The following COG5 variants were observed in gnomAD, a reference collection of about 807,000 sequenced individuals.
COG5 encodes the protein component of oligomeric golgi complex 5.
Under a neutral mutation model 110.4 loss-of-function variants are expected in COG5, and 86 were observed. The ratio of observed to expected loss-of-function variants is 0.78; its 90% confidence interval spans 0.65 to 0.93. COG5 has a LOEUF of 0.93. Ranked by LOEUF, COG5 falls within the 40% of genes least tolerant of loss-of-function variation. The pLI is 0.00. For missense variants in COG5, 1,077 were observed against 987.0 expected, an observed-to-expected ratio of 1.09 and a Z score of -1.22; for synonymous variants, 360 against 334.6, an observed-to-expected ratio of 1.08 and a Z score of -0.83.
At chr7:107,515,401 T>C (rs951349159) in intron 6 of COG5, among the ~76,000 whole-genome samples, 15 of 152,194 alleles carry the variant, frequency 9.9e-5, no homozygotes, top group African/African-American at 3.6e-4. Flanking sequence ...CACGGTAACC[T>C]ATACATTTCA....
chr7:107,545,339 GTCAAAAA>G (rs970446671), intron 5 of COG5, among the ~76,000 whole-genome samples: 2 of 152,080 alleles, frequency 1.3e-5, no homozygotes, highest in African/African-American at 4.8e-5. Context: ...CAATCAAATT[GTCAAAAA>G]TCAAAAACAG....
chr7:107,474,907 G>T lies in COG5; in HGVS notation c.538+52330C>A. 4.3e-6 allele frequency: 7 copies of T among 1,613,160 alleles called. No homozygotes were observed. Among genetic ancestry groups the T allele is most frequent in the Non-Finnish European group, 5.9e-6 (7 of 1,179,490 alleles). ...CAGTGGTGGGAGAAATGTAGTCTTTGGTGTAAGAACTTCAGTTTCTGTAAT... is the reference window on the plus strand; with the variant it reads ...CAGTGGTGGGAGAAATGTAGTCTTTTGTGTAAGAACTTCAGTTTCTGTAAT... On this transcript the variant is annotated intron_variant, in intron 6 of 21. Transcript: ENST00000297135. The surrounding 1 kb of genome is among the most constrained non-coding windows in gnomAD (Gnocchi z 5.7).
intron 5 of COG5, among the ~76,000 whole-genome samples, chr7:107,531,237 A>G (rs1382781413): frequency 6.6e-6 from 1 of 152,060 alleles, no homozygotes; most frequent in Non-Finnish European, 1.5e-5. Flanking sequence ...AAGTTCCTCT[A>G]TCTTCTATAT....
At chr7:107,386,006 G>A (rs1193688957) in intron 7 of COG5, among the ~76,000 whole-genome samples, 2 of 151,520 alleles carry the variant, frequency 1.3e-5, no homozygotes, top group African/African-American at 4.9e-5. Flanking sequence ...GTGTGTGTGT[G>A]TGTGTGTGTG....
intron 12 of COG5, among the ~76,000 whole-genome samples, chr7:107,291,401 T>C (rs538601832): frequency 1.3e-5 from 2 of 152,328 alleles, no homozygotes; most frequent in African/African-American, 4.8e-5. Flanking sequence ...AGATACATTG[T>C]TGCAACTCTG....
At chr7:107,383,700 CCT>C (rs991017913) in intron 7 of COG5, among the ~76,000 whole-genome samples, 3 of 152,118 alleles carry the variant, frequency 2.0e-5, no homozygotes, top group African/African-American at 7.2e-5. Flanking sequence ...GCTGCCTGTT[CCT>C]CTCTTTCTAA....
intron 6 of COG5, among the ~76,000 whole-genome samples, chr7:107,448,493 T>G (rs1164408761): frequency 6.6e-6 from 1 of 152,200 alleles, no homozygotes; most frequent in Non-Finnish European, 1.5e-5. Flanking sequence ...TAATGCCTGT[T>G]AGTCTTTTGG....
chr7:107,283,838 G>GT (rs1363714150), intron 12 of COG5, 106 bp from the exon 13 acceptor site: 1 of 764,988 alleles, frequency 1.3e-6, no homozygotes, highest in African/African-American at 1.8e-5. Flanking sequence ...CCATAAAAAT[G>GT]TAACTCTATA....
chr7:107,226,795 A>G (rs926836980), intron 19 of COG5, among the ~76,000 whole-genome samples: 10 of 152,220 alleles, frequency 6.6e-5, no homozygotes, highest in African/African-American at 2.4e-4. Context: ...AAATAGTTGT[A>G]TCAGTCCCAT....
chr7:107,510,087 T>C (rs1357650994), intron 6 of COG5, among the ~76,000 whole-genome samples: 2 of 146,812 alleles, frequency 1.4e-5, no homozygotes, highest in Non-Finnish European at 3.0e-5. Context: ...ATGCTCCAAT[T>C]AAAAGACACA....
chr7:107,459,673 G>A (rs1308185605), intron 6 of COG5, among the ~76,000 whole-genome samples: 2 of 151,916 alleles, frequency 1.3e-5, no homozygotes, highest in Admixed American at 1.3e-4. Flanking sequence ...GTACACACCT[G>A]TGGTCCCAGC....
intron 12 of COG5, among the ~76,000 whole-genome samples, chr7:107,288,788 G>A (rs986258748): frequency 6.6e-6 from 1 of 151,316 alleles, no homozygotes; most frequent in African/African-American, 2.4e-5. Flanking sequence ...TTTTCAGAAA[G>A]TCCAAAATAT....
intron 10 of COG5, among the ~76,000 whole-genome samples, chr7:107,354,475 G>C (rs1004114540): frequency 1.3e-5 from 2 of 152,142 alleles, no homozygotes; most frequent in African/African-American, 2.4e-5. Context: ...TCAGGAGTTC[G>C]AGACCAGTCC....
chr7:107,537,515 CACTCATCAGTGGGAGCTGAACAATGAAT>C (rs1275942654), intron 5 of COG5, among the ~76,000 whole-genome samples: 2 of 152,020 alleles, frequency 1.3e-5, no homozygotes, highest in Admixed American at 6.6e-5. Context: ...TGCATATTCT[CACTCATCAGTGGGAGCTGAACAATGAAT>C]ACATGGACAC....
intron 11 of COG5, among the ~76,000 whole-genome samples, chr7:107,317,660 A>G (rs1301233745): frequency 2.0e-5 from 3 of 152,252 alleles, no homozygotes; most frequent in Non-Finnish European, 4.4e-5. Flanking sequence ...GTCTTTAAGT[A>G]TCTGATACTA....
chr7:107,277,524 C>T (rs1804792340), intron 14 of COG5, among the ~76,000 whole-genome samples: 1 of 152,174 alleles, frequency 6.6e-6, no homozygotes, highest in Non-Finnish European at 1.5e-5. Context: ...ATGCTAGTGC[C>T]AACACCTGCT....
At chr7:107,475,193 T>C (rs769440966) in intron 6 of COG5, 1 of 1,611,954 alleles carries the variant, frequency 6.2e-7, no homozygotes, top group Admixed American at 1.7e-5. Context: ...CAAAAGGTCT[T>C]GAAAAGTAAA....
At chr7:107,405,343 G>A (rs921554265) in intron 7 of COG5, among the ~76,000 whole-genome samples, 3 of 152,202 alleles carry the variant, frequency 2.0e-5, no homozygotes. Context: ...TAAATTGCCT[G>A]CTGACACAGC....
At chr7:107,315,284 G>A (rs1400362900) in intron 11 of COG5, among the ~76,000 whole-genome samples, 1 of 151,702 alleles carries the variant, frequency 6.6e-6, no homozygotes, top group African/African-American at 2.4e-5. Context: ...TTAGTATACA[G>A]TATTTCAAGC....
Sources: gnomAD v4.1 joint callset for allele counts (sites outside exome capture counted in the v4.1 genomes callset) on GRCh38, gnomAD v4.1.1 for gene constraint, Gnocchi (gnomAD v3.1) non-coding constraint, MANE v1.5 for transcripts, NCBI Gene and HGNC (gene_info 2026-07-23, HGNC 2026-07-21) for gene names.